The following DENND1B variants were observed in gnomAD, a reference collection of about 807,000 sequenced individuals.
DENND1B encodes DENN domain containing 1B.
A neutral mutation model predicts 90.1 loss-of-function variants in DENND1B; 59 were observed. That is an observed-to-expected ratio of 0.65 (90% CI 0.53 to 0.81). The LOEUF (loss-of-function observed/expected upper bound fraction) is 0.81. Ranked by LOEUF, DENND1B falls within the 40% of genes least tolerant of loss-of-function variation. DENND1B has a pLI of 0.00. For missense variants in DENND1B, 862 were observed against 912.6 expected (o/e 0.94, Z 0.71); for synonymous variants, 337 against 324.6 (o/e 1.04, Z -0.41).
chr1:197,738,876 T>C (rs1037071552), intron 2 of DENND1B, among the ~76,000 whole-genome samples: 2 of 151,392 alleles, frequency 1.3e-5, no homozygotes, highest in African/African-American at 4.9e-5. Flanking sequence ...ATATCTGGAG[T>C]TTCCAGGATG....
At chr1:197,706,606 AT>A (rs1377416477) in intron 3 of DENND1B, among the ~76,000 whole-genome samples, 1 of 152,146 alleles carries the variant, frequency 6.6e-6, no homozygotes, top group African/African-American at 2.4e-5. Context: ...CAATTTTAAA[AT>A]GGGCAAATGA....
At chr1:197,637,323 G>A (rs189193130) in intron 10 of DENND1B, among the ~76,000 whole-genome samples, 142 of 152,222 alleles carry the variant, frequency 9.3e-4, no homozygotes, top group African/African-American at 3.4e-3. Flanking sequence ...ACAGAGCCTA[G>A]GGGAATGACA....
At chr1:197,669,748 C>T (rs1655300746) in intron 5 of DENND1B, among the ~76,000 whole-genome samples, 1 of 151,856 alleles carries the variant, frequency 6.6e-6, no homozygotes, top group African/African-American at 2.4e-5. Flanking sequence ...TTTGACACCT[C>T]CTACTTCTTA....
chr1:197,692,422 T>C (rs1431155903), intron 3 of DENND1B, among the ~76,000 whole-genome samples: 1 of 151,838 alleles, frequency 6.6e-6, no homozygotes, highest in Non-Finnish European at 1.5e-5. Context: ...CTGACCAAAC[T>C]ACCTTTGTAG....
chr1:197,566,471 C>G (rs1233619320), intron 15 of DENND1B, among the ~76,000 whole-genome samples: 1 of 152,020 alleles, frequency 6.6e-6, no homozygotes, highest in Non-Finnish European at 1.5e-5. Flanking sequence ...ACAGAGCCCT[C>G]AGAAATAATG....
chr1:197,713,679 A>C (rs1660188645), intron 3 of DENND1B, among the ~76,000 whole-genome samples: 1 of 90,382 alleles, frequency 1.1e-5, no homozygotes, highest in Non-Finnish European at 2.1e-5. Flanking sequence ...GCACATGTAT[A>C]CATATGTAAC....
At chr1:197,536,533 A>G (rs1430280650) in intron 20 of DENND1B, among the ~76,000 whole-genome samples, 1 of 152,206 alleles carries the variant, frequency 6.6e-6, no homozygotes, top group Non-Finnish European at 1.5e-5. Context: ...GCAAGATAGC[A>G]TGGACTCTGG....
At chr1:197,520,781 G>T (rs1668718049) in intron 20 of DENND1B, among the ~76,000 whole-genome samples, 1 of 151,852 alleles carries the variant, frequency 6.6e-6, no homozygotes, top group South Asian at 2.1e-4. Flanking sequence ...ATGGGGAATT[G>T]GATGTCACAC....
intron 3 of DENND1B, among the ~76,000 whole-genome samples, chr1:197,676,791 G>A (rs1473079460): frequency 6.6e-6 from 1 of 152,088 alleles, no homozygotes; most frequent in African/African-American, 2.4e-5. Flanking sequence ...CTGGAAACAA[G>A]GACTGATGAA....
At chr1:197,771,994 T>C (rs1229209240) in intron 2 of DENND1B, among the ~76,000 whole-genome samples, 1 of 152,188 alleles carries the variant, frequency 6.6e-6, no homozygotes, top group Non-Finnish European at 1.5e-5. Context: ...TATGCTCTCA[T>C]CTTTTCAGGA....
intron 5 of DENND1B, among the ~76,000 whole-genome samples, chr1:197,671,498 T>C (rs1572266082): frequency 6.6e-6 from 1 of 152,302 alleles, no homozygotes; most frequent in African/African-American, 2.4e-5. Context: ...GCAGAATTAG[T>C]AGATAGCCTC....
At chr1:197,543,224 G>A (rs1236103675) in intron 18 of DENND1B, among the ~76,000 whole-genome samples, 1 of 152,110 alleles carries the variant, frequency 6.6e-6, no homozygotes, top group East Asian at 1.9e-4. Context: ...GTGAGCCACA[G>A]CACCCGGCCC....
chr1:197,735,052 A>C (rs1183104784), intron 2 of DENND1B: 2 of 983,882 alleles, frequency 2.0e-6, no homozygotes, highest in East Asian at 1.1e-4. Context: ...AGCGGACAAA[A>C]TTTTAACAAA....
intron 2 of DENND1B, among the ~76,000 whole-genome samples, chr1:197,749,086 T>C (rs1048535709): frequency 6.6e-5 from 10 of 151,684 alleles, no homozygotes; most frequent in Admixed American, 6.6e-4. Flanking sequence ...TAATTGAAAC[T>C]GTACAAACCG....
At chr1:197,758,960 A>ATTTTTTTT (rs759108636) in intron 2 of DENND1B, among the ~76,000 whole-genome samples, 7 of 97,836 alleles carry the variant, frequency 7.2e-5, no homozygotes, top group African/African-American at 2.6e-4. Flanking sequence ...TACTTCATTA[A>ATTTTTTTT]TTTTTTTTTT....
chr1:197,611,939 G>C lies in DENND1B; in HGVS notation c.811C>G (p.Leu271Val). 1.2e-6 allele frequency: 2 copies of C among 1,603,644 alleles called. No individual in the cohort carries two copies. Among genetic ancestry groups the C allele is most frequent in the Non-Finnish European group, 1.7e-6 (2 of 1,173,074 alleles). ...GTCTGAAAGATACTCACCTCTATGAGGCTGGAGTGTATTCCAATCAGGTAT... is the reference window on the plus strand; with the variant it reads ...GTCTGAAAGATACTCACCTCTATGACGCTGGAGTGTATTCCAATCAGGTAT... ...MPYLIGIHSS[L>V]IERVKNKSLE... Residue 271 changes from leucine (L) to valine (V), a missense_variant, in exon 12 of 23, where the codon CTC becomes GTC. Physicochemically the swap from Leu to Val is conservative, Grantham distance 32 (BLOSUM62 1). Transcript: ENST00000620048.
intron 16 of DENND1B, 171 bp downstream of exon 16, chr1:197,552,851 C>A: frequency 7.3e-7 from 1 of 1,370,916 alleles, no homozygotes; most frequent in East Asian, 3.0e-5. Flanking sequence ...AGGTATCAGG[C>A]AAAATAAGCT....
At chr1:197,751,355 G>C (rs368311940) in intron 2 of DENND1B, among the ~76,000 whole-genome samples, 1 of 152,098 alleles carries the variant, frequency 6.6e-6, no homozygotes, top group African/African-American at 2.4e-5. Context: ...AGTCACAAGT[G>C]AAACTAGAAA....
chr1:197,516,069 T>C (rs1186310208), intron 20 of DENND1B, among the ~76,000 whole-genome samples: 2 of 151,822 alleles, frequency 1.3e-5, no homozygotes, highest in Non-Finnish European at 2.9e-5. Context: ...AGTTTCATGT[T>C]TCCTAGCTAG....
Sources: allele counts gnomAD v4.1 joint callset (sites outside exome capture counted in the v4.1 genomes callset), GRCh38; gene constraint gnomAD v4.1.1; transcripts MANE v1.5; gene names NCBI Gene and HGNC (gene_info 2026-07-23, HGNC 2026-07-21).